Variants in EPB42 observed in about 807,000 individuals in gnomAD.
The protein encoded by EPB42 is protein 4.2.
EPB42 carries 49 observed loss-of-function variants against 76.9 expected under a neutral mutation model. That is an observed-to-expected ratio of 0.64 (90% CI 0.51 to 0.81). EPB42 has a LOEUF of 0.81. EPB42 is among the 30% of genes least tolerant of loss of function. The probability of loss-of-function intolerance (pLI) is 0.00; values close to 1 mark genes in which losing one functional copy is unlikely to be tolerated. For missense variants in EPB42, 731 were observed against 867.6 expected (o/e 0.84, Z 1.98); for synonymous variants, 310 against 338.4 (o/e 0.92, Z 0.92).
intron 12 of EPB42, among the ~76,000 whole-genome samples, chr15:43,199,030 C>A (rs1046432476): frequency 2.0e-5 from 3 of 152,206 alleles, no homozygotes; most frequent in Admixed American, 6.5e-5. Context: ...GGGGCCCAGG[C>A]AAAAGTTTGC....
chr15:43,207,869 C>A (rs982693539), intron 8 of EPB42, among the ~76,000 whole-genome samples: 30 of 152,142 alleles, frequency 2.0e-4, no homozygotes, highest in Admixed American at 1.6e-3. Context: ...TGGGCTTGAG[C>A]CTATCCCGAT....
At chr15:43,214,747 C>G (rs943809376) in intron 3 of EPB42, among the ~76,000 whole-genome samples, 2 of 152,168 alleles carry the variant, frequency 1.3e-5, no homozygotes, top group Non-Finnish European at 2.9e-5. Context: ...CCAGTTCTCA[C>G]CCCTGCACTG....
chr15:43,219,943 TAAAA>T (rs770805269), intron 1 of EPB42, among the ~76,000 whole-genome samples: 2 of 137,776 alleles, frequency 1.5e-5, no homozygotes, highest in Non-Finnish European at 3.2e-5. Flanking sequence ...AGACTCCGTT[TAAAA>T]AAAAAAAAAA....
chr15:43,219,311 G>A (rs2042423957), intron 1 of EPB42, among the ~76,000 whole-genome samples: 2 of 152,164 alleles, frequency 1.3e-5, no homozygotes, highest in Non-Finnish European at 1.5e-5. Context: ...TGAGTTTAGA[G>A]TACTTATTAT....
chr15:43,214,684 C>T (rs955919707), intron 3 of EPB42, among the ~76,000 whole-genome samples: 1 of 152,006 alleles, frequency 6.6e-6, no homozygotes, highest in Non-Finnish European at 1.5e-5. Flanking sequence ...ACAGAATAGC[C>T]GGGGAGAGAG....
intron 8 of EPB42, 83 bp from the exon 9 acceptor site, chr15:43,207,524 C>T (rs2142286168): frequency 1.9e-6 from 3 of 1,596,030 alleles, no homozygotes; most frequent in Non-Finnish European, 2.5e-6. Context: ...CAGTCCCCAT[C>T]CTCTAGCCTA....
upstream of EPB42, chr15:43,221,208 A>G (rs530800676): frequency 3.1e-6 from 1 of 321,892 alleles, no homozygotes; most frequent in South Asian, 2.7e-5. Context: ...GTCTCAAGAG[A>G]CTCTCAGAGA....
upstream of EPB42, among the ~76,000 whole-genome samples, chr15:43,221,959 A>G (rs554272159): frequency 4.1e-4 from 63 of 152,100 alleles, no homozygotes; most frequent in African/African-American, 1.4e-3. Context: ...CCTGGCCAAT[A>G]TGGTGAAACC....
intron 3 of EPB42, among the ~76,000 whole-genome samples, chr15:43,212,865 G>C (rs1471029678): frequency 6.6e-6 from 1 of 152,174 alleles, no homozygotes; most frequent in African/African-American, 2.4e-5. Flanking sequence ...GTGGACAGGG[G>C]TTAGACTAGT....
At chr15:43,217,902 A>G (rs2042401653) in intron 1 of EPB42, among the ~76,000 whole-genome samples, 1 of 152,176 alleles carries the variant, frequency 6.6e-6, no homozygotes, top group African/African-American at 2.4e-5. Flanking sequence ...GGTGATGGGG[A>G]TGATAGAAGA....
At position 43,211,507 on chromosome 15, in the gene EPB42, G is replaced by C; in HGVS notation, c.458C>G (p.Ala153Gly). The part of the protein sequence containing the change: ...REDAVFLKNE[A>G]QRMEYLLNQN... ...GTTCAACAAGTACTCCATGCGCTGA[G>C]CCTCATTCTTCAGGAACACAGCATC... Residue 153 changes from alanine (A) to glycine (G), a missense_variant, in exon 4 of 13, where the codon GCT becomes GGT. By Grantham distance (60) the Ala-to-Gly change is moderately conservative. Coordinates refer to ENST00000441366, the MANE Select transcript of EPB42 (RefSeq NM_001114134.2). 6.2e-7 allele frequency: 1 copy of C among 1,613,914 alleles called. No individual in the cohort carries two copies. The highest frequency in any genetic ancestry group is 2.2e-5 in the East Asian group (1 of 44,884).
intron 10 of EPB42, among the ~76,000 whole-genome samples, chr15:43,204,750 T>C (rs745328002): frequency 2.0e-5 from 3 of 152,194 alleles, no homozygotes; most frequent in Non-Finnish European, 4.4e-5. Flanking sequence ...CTTGATGATT[T>C]ACACAACCTT....
At chr15:43,197,545 G>T in intron 12 of EPB42, 81 bp from the exon 13 acceptor site, 1 of 1,511,040 alleles carries the variant, frequency 6.6e-7, no homozygotes, top group Non-Finnish European at 9.2e-7. Flanking sequence ...ATCCTTCCTT[G>T]CTTGAAGAGG....
chr15:43,214,498 G>A (rs1354679585), intron 3 of EPB42, among the ~76,000 whole-genome samples: 2 of 152,190 alleles, frequency 1.3e-5, no homozygotes, highest in African/African-American at 4.8e-5. Flanking sequence ...GCAAAGACAG[G>A]GAAGTGTAGA....
At chr15:43,221,967 A>G (rs2042466112), upstream of EPB42, among the ~76,000 whole-genome samples, 1 of 151,972 alleles carries the variant, frequency 6.6e-6, no homozygotes, top group African/African-American at 2.4e-5. Flanking sequence ...ATATGGTGAA[A>G]CCCTCTCTCT....
chr15:43,203,043 C>G (rs1306150472), intron 11 of EPB42, 72 bp downstream of exon 11: 1 of 1,570,046 alleles, frequency 6.4e-7, no homozygotes, highest in African/African-American at 1.4e-5. Flanking sequence ...TCTGAAGGGG[C>G]CTGGATTCCT....
Position 43,202,365 on chromosome 15 carries a change from C to T in EPB42, c.1780-388G>A, listed in dbSNP as rs558790777. ...TGTTCCATCCCCAGCACACGCCTCACGCTACCTTCCATTACACCTCTTTGC... is the reference window on the plus strand; with the variant it reads ...TGTTCCATCCCCAGCACACGCCTCATGCTACCTTCCATTACACCTCTTTGC... On this transcript the variant is annotated intron_variant, in intron 11 of 12. Transcript: ENST00000441366. Among the ~76,000 whole-genome samples, 10 of 152,322 alleles carry T rather than the reference C, an allele frequency of 6.6e-5. No homozygotes were observed. The East Asian group carries it at 1.7e-3, about 26-fold the overall frequency.
rs2042051536 is a variant in EPB42, at chr15:43,197,282, G to A, written c.*20C>T. 6.2e-7 allele frequency: 1 copy of A among 1,614,054 alleles called. No individual in the cohort carries two copies. Among genetic ancestry groups the A allele is most frequent in the African/African-American group, 1.3e-5 (1 of 74,922 alleles). On this transcript the variant is annotated 3_prime_UTR_variant, in exon 13 of 13. Coordinates refer to ENST00000441366, the MANE Select transcript of EPB42 (RefSeq NM_001114134.2). ...TTGTAGAACAAGGGTTGGCAGGAGA[G>A]TGGTGATAGAGCTGGAAGTTTAAGC...
intron 2 of EPB42, 127 bp downstream of exon 2, chr15:43,216,140 TG>T: frequency 8.9e-7 from 1 of 1,123,720 alleles, no homozygotes; most frequent in Non-Finnish European, 1.3e-6. Flanking sequence ...CCCTGCCAGG[TG>T]GGCAGGACTT....
Sources: allele counts gnomAD v4.1 joint callset (sites outside exome capture counted in the v4.1 genomes callset), GRCh38; gene constraint gnomAD v4.1.1; transcripts MANE v1.5; gene names NCBI Gene and HGNC (gene_info 2026-07-23, HGNC 2026-07-21).